The following TCF4 variants were observed in gnomAD, a reference collection of about 807,000 sequenced individuals.
TCF4 encodes the protein SL3-3 enhancer factor 2.
In TCF4, 3 loss-of-function variants were observed where a neutral mutation model predicts 82.1. The ratio of observed to expected loss-of-function variants is 0.04; its 90% confidence interval spans 0.02 to 0.09. TCF4 has a LOEUF of 0.09. Ranked by LOEUF, TCF4 falls within the 10% of genes least tolerant of loss-of-function variation. The pLI is 1.00. For missense variants in TCF4, 518 were observed against 852.7 expected (o/e 0.61, Z 4.89); for synonymous variants, 276 against 309.6 (o/e 0.89, Z 1.14).
intron 3 of TCF4, among the ~76,000 whole-genome samples, chr18:55,553,961 A>G (rs577914625): frequency 2.0e-5 from 3 of 152,314 alleles, no homozygotes; most frequent in African/African-American, 7.2e-5. Flanking sequence ...CTCAAAGCAT[A>G]TTGCAATCAT....
intron 5 of TCF4, among the ~76,000 whole-genome samples, chr18:55,421,308 A>T (rs1490099725): frequency 6.6e-6 from 1 of 152,246 alleles, no homozygotes; most frequent in Non-Finnish European, 1.5e-5. Flanking sequence ...CAAGAGTTTA[A>T]CAAGGAATGA....
intron 15 of TCF4, among the ~76,000 whole-genome samples, chr18:55,253,322 G>A (rs2055816059): frequency 6.6e-6 from 1 of 152,146 alleles, no homozygotes; most frequent in African/African-American, 2.4e-5. Flanking sequence ...AACGAGAAAT[G>A]CTACAGTGAT....
At chr18:55,625,384 G>A (rs368648743) in intron 2 of TCF4, among the ~76,000 whole-genome samples, 199 of 151,876 alleles carry the variant, frequency 1.3e-3, no homozygotes, top group African/African-American at 4.5e-3. Flanking sequence ...GACTACAGGC[G>A]CACACCACCA....
chr18:55,587,507 G>A (rs2097661864), intron 1 of TCF4, among the ~76,000 whole-genome samples: 3 of 150,202 alleles, frequency 2.0e-5, no homozygotes, highest in Admixed American at 2.0e-4. Flanking sequence ...GAAATGAATG[G>A]ATCACAGAGA....
intron 5 of TCF4, among the ~76,000 whole-genome samples, chr18:55,433,856 T>C (rs200248056): frequency 2.0e-5 from 3 of 152,098 alleles, no homozygotes; most frequent in African/African-American, 7.2e-5. Context: ...CCTGCTTGTG[T>C]CCCTTATGTG....
intron 5 of TCF4, among the ~76,000 whole-genome samples, chr18:55,457,649 C>T (rs1419222670): frequency 6.6e-6 from 1 of 152,092 alleles, no homozygotes; most frequent in Non-Finnish European, 1.5e-5. Flanking sequence ...CCACGCCTGG[C>T]TAAGTTTTTG....
intron 2 of TCF4, among the ~76,000 whole-genome samples, chr18:55,621,783 A>C (rs1437853156): frequency 1.1e-5 from 1 of 89,060 alleles, no homozygotes; most frequent in African/African-American, 4.4e-5. Context: ...ATAATATAAT[A>C]TATATTATAT....
At chr18:55,287,193 G>C (rs1203126551) in intron 8 of TCF4, among the ~76,000 whole-genome samples, 1 of 152,004 alleles carries the variant, frequency 6.6e-6, no homozygotes, top group African/African-American at 2.4e-5. Flanking sequence ...CTACCAGAAT[G>C]CACCACAAAA....
At position 55,254,548 on chromosome 18, in the gene TCF4, C is replaced by T. The variant is rs552340151; in HGVS notation, c.1299G>A (p.Leu433=). The change falls in exon 15 of 20, where the codon CTG becomes CTA. Residue 433 remains leucine, a synonymous_variant. Coordinates refer to ENST00000354452, the MANE Select transcript of TCF4 (RefSeq NM_001083962.2). Reference sequence around the variant, plus strand: ...GAAGGCCGGTTCCATACCCTGAGCCCAGACCACCCATGGCTCCATTATGAG... The same window carrying T: ...GAAGGCCGGTTCCATACCCTGAGCCTAGACCACCCATGGCTCCATTATGAG... ...GPSHNGAMGG[L]GSGYGTGLLS... 1.8e-4 allele frequency: 294 copies of T among 1,613,736 alleles called. 5 individuals are homozygous for T. In the South Asian group the frequency reaches 3.1e-3, roughly 17 times the overall value.
chr18:55,229,825 A>C (rs777799982), intron 17 of TCF4: 1 of 152,340 alleles, frequency 6.6e-6, no homozygotes, highest in Non-Finnish European at 1.5e-5. Context: ...ACCTGAACTG[A>C]TATCAGTCAT....
intron 8 of TCF4, 83 bp from the exon 9 acceptor site, chr18:55,279,739 G>T: frequency 1.3e-6 from 2 of 1,593,796 alleles, no homozygotes; most frequent in Non-Finnish European, 1.7e-6. Context: ...GAAGTAGGCA[G>T]AAAGTGCTAC....
intron 2 of TCF4, among the ~76,000 whole-genome samples, chr18:55,602,440 A>G (rs768772649): frequency 1.4e-4 from 21 of 152,170 alleles, no homozygotes; most frequent in Non-Finnish European, 2.9e-4. Flanking sequence ...TGACTAGCAC[A>G]TTCTTGGATG....
At chr18:55,494,959 T>C (rs2096617489) in intron 3 of TCF4, among the ~76,000 whole-genome samples, 1 of 137,870 alleles carries the variant, frequency 7.3e-6, no homozygotes, top group Admixed American at 7.0e-5. Flanking sequence ...TAATGAAGCC[T>C]TTCTTTAAAA....
chr18:55,517,336 A>G (rs1392534694), intron 3 of TCF4, among the ~76,000 whole-genome samples: 1 of 152,162 alleles, frequency 6.6e-6, no homozygotes, highest in Non-Finnish European at 1.5e-5. Context: ...AACCACATGG[A>G]ACAGAAGTGA....
chr18:55,339,274 G>C (rs958282955), intron 8 of TCF4, among the ~76,000 whole-genome samples: 1 of 152,164 alleles, frequency 6.6e-6, no homozygotes, highest in South Asian at 2.1e-4. Flanking sequence ...ACTCTCATCA[G>C]AATCATAAAT....
intron 3 of TCF4, among the ~76,000 whole-genome samples, chr18:55,522,958 T>C (rs1171631691): frequency 1.3e-5 from 2 of 152,076 alleles, no homozygotes; most frequent in Non-Finnish European, 2.9e-5. Context: ...ATATCATTTG[T>C]TGGGACACTA....
intron 6 of TCF4, among the ~76,000 whole-genome samples, chr18:55,399,925 C>T (rs193138546): frequency 1.6e-5 from 2 of 126,684 alleles, no homozygotes; most frequent in African/African-American, 3.1e-5. Flanking sequence ...CACACACACA[C>T]AATACTAAAA....
At chr18:55,427,522 T>A (rs2095038668) in intron 5 of TCF4, among the ~76,000 whole-genome samples, 1 of 152,158 alleles carries the variant, frequency 6.6e-6, no homozygotes, top group South Asian at 2.1e-4. Flanking sequence ...CCAAACATCA[T>A]CCCTGTTTCC....
At chr18:55,582,951 A>G (rs1022543093) in intron 3 of TCF4, among the ~76,000 whole-genome samples, 1 of 152,170 alleles carries the variant, frequency 6.6e-6, no homozygotes, top group African/African-American at 2.4e-5. Flanking sequence ...AGTATTCATG[A>G]TTTTTAAAAT....
Sources: allele counts gnomAD v4.1 joint callset (sites outside exome capture counted in the v4.1 genomes callset), GRCh38; gene constraint gnomAD v4.1.1; transcripts MANE v1.5; gene names NCBI Gene and HGNC (gene_info 2026-07-23, HGNC 2026-07-21).